RTN1: variants seen among roughly 807,000 people sequenced by gnomAD.
RTN1 encodes reticulon-1.
In RTN1, 25 loss-of-function variants were observed where a neutral mutation model predicts 65.5. That is an observed-to-expected ratio of 0.38 (90% CI 0.28 to 0.53). The LOEUF is 0.53. RTN1 is among the 20% of genes least tolerant of loss of function. RTN1 has a pLI of 0.79. For synonymous variants in RTN1, 471 were observed against 447.6 expected, an observed-to-expected ratio of 1.05 and a Z score of -0.66; for missense variants, 983 against 1,025.4, an observed-to-expected ratio of 0.96 and a Z score of 0.57.
At chr14:59,845,854 G>T (rs1044212511) in intron 1 of RTN1, among the ~76,000 whole-genome samples, 2 of 151,774 alleles carry the variant, frequency 1.3e-5, no homozygotes, top group Admixed American at 6.6e-5. Context: ...TCAAGGCCCA[G>T]AAAAAGAAGC....
At position 59,749,350 on chromosome 14, in the gene RTN1, A is replaced by C. The variant is rs1418865750; in HGVS notation, c.242-2869T>G. Among the ~76,000 whole-genome samples, 192 of 67,412 alleles carry C rather than the reference A, an allele frequency of 2.8e-3. 18 individuals are homozygous for C. The highest frequency in any genetic ancestry group is 0.02 in the African/African-American group (186 of 9,300). 44.2% of individuals were successfully genotyped at this position (67,412 alleles called of 152,430 possible). On this transcript the variant is annotated intron_variant, in intron 1 of 8. Transcript: ENST00000267484. Reference sequence around the variant, plus strand: ...TATCTATATATATCTATATATATCTATATATATCTATATATATATCTATAT... The same window carrying C: ...TATCTATATATATCTATATATATCTCTATATATCTATATATATATCTATAT...
intron 3 of RTN1, among the ~76,000 whole-genome samples, chr14:59,667,637 C>G (rs574479437): frequency 3.3e-5 from 5 of 152,026 alleles, no homozygotes; most frequent in Admixed American, 3.3e-4. Flanking sequence ...AATAAATAAA[C>G]GGTATTCAAT....
intron 1 of RTN1, among the ~76,000 whole-genome samples, chr14:59,759,467 A>G (rs940144695): frequency 1.5e-4 from 23 of 152,314 alleles, no homozygotes; most frequent in African/African-American, 5.3e-4. Context: ...TAAATGAGAT[A>G]GTAGAATCAA....
chr14:59,605,242 G>A lies in RTN1; in HGVS notation c.2112+126C>T. On this transcript the variant is annotated intron_variant, in intron 5 of 8. Coordinates refer to ENST00000267484, the MANE Select transcript of RTN1 (RefSeq NM_021136.3). ...GGTTCATGGTGCCATACAACTGGAGGTCTTCTGACTCTAGAATATAATTAG... is the reference window on the plus strand; with the variant it reads ...GGTTCATGGTGCCATACAACTGGAGATCTTCTGACTCTAGAATATAATTAG... The A allele has an allele frequency of 7.5e-6, 7 of 935,040 alleles. No individual in the cohort carries two copies. In the South Asian group the frequency reaches 1.3e-4, roughly 17 times the overall value. 57.9% of individuals were successfully genotyped at this position (935,040 alleles called of 1,614,324 possible). A position where few individuals can be genotyped will look rare whatever the true frequency, so the allele number is the denominator to read the frequency against.
intron 3 of RTN1, among the ~76,000 whole-genome samples, chr14:59,705,497 T>A (rs940128390): frequency 2.0e-5 from 3 of 152,178 alleles, no homozygotes; most frequent in African/African-American, 7.2e-5. Context: ...GTGCCTCACG[T>A]CCCAGTAAGC....
chr14:59,854,548 T>C (rs573985380), intron 1 of RTN1, among the ~76,000 whole-genome samples: 1 of 141,396 alleles, frequency 7.1e-6, no homozygotes, highest in African/African-American at 2.7e-5. Flanking sequence ...GGCTGAGGCA[T>C]GAGAATCGCT....
At chr14:59,773,348 C>T (rs1031771376) in intron 1 of RTN1, among the ~76,000 whole-genome samples, 1 of 152,020 alleles carries the variant, frequency 6.6e-6, no homozygotes, top group African/African-American at 2.4e-5. Context: ...AAGGAAAAAA[C>T]TGAAGATAGT....
chr14:59,658,216 C>T (rs1050495400), intron 3 of RTN1, among the ~76,000 whole-genome samples: 3 of 152,236 alleles, frequency 2.0e-5, no homozygotes, highest in African/African-American at 7.2e-5. Flanking sequence ...CCTCTCTGGG[C>T]ATGGCATCTC....
chr14:59,863,426 T>C (rs1337386829), intron 1 of RTN1, among the ~76,000 whole-genome samples: 2 of 152,216 alleles, frequency 1.3e-5, no homozygotes, highest in Non-Finnish European at 2.9e-5. Context: ...TCTCAGTCTC[T>C]ATCTTAACCA....
chr14:59,827,708 T>G (rs1248602296), intron 1 of RTN1, among the ~76,000 whole-genome samples: 1 of 152,182 alleles, frequency 6.6e-6, no homozygotes, highest in Non-Finnish European at 1.5e-5. Context: ...CAAGCCAGTT[T>G]CTATCTTGCT....
intron 8 of RTN1, among the ~76,000 whole-genome samples, chr14:59,599,930 C>T (rs916254437): frequency 3.9e-5 from 6 of 152,148 alleles, no homozygotes; most frequent in African/African-American, 7.2e-5. Flanking sequence ...CTTTGTCATT[C>T]TAAAACATAA....
intron 1 of RTN1, among the ~76,000 whole-genome samples, chr14:59,783,400 G>A (rs1300890395): frequency 6.6e-6 from 1 of 152,150 alleles, no homozygotes; most frequent in Non-Finnish European, 1.5e-5. Flanking sequence ...CAAGAGGCTG[G>A]GTGCTTAGGG....
In RTN1 at chr14:59,866,827, T is replaced by C. The variant is rs1229872696; in HGVS notation, c.241+3563A>G. Among the ~76,000 whole-genome samples, 5 of 152,168 alleles carry C rather than the reference T, an allele frequency of 3.3e-5. No homozygotes were observed. The East Asian group carries it at 9.6e-4, about 29-fold the overall frequency. The stretch of plus-strand genomic sequence containing the variant: ...GAAATGACTCCAAATAAAAAATGTC[T>C]ACACATCTGTCAAACACATCCAAAA... On this transcript the variant is annotated intron_variant, in intron 1 of 8. Transcript: ENST00000267484.
At chr14:59,713,329 G>A (rs1028674983) in intron 3 of RTN1, among the ~76,000 whole-genome samples, 11 of 152,248 alleles carry the variant, frequency 7.2e-5, no homozygotes, top group African/African-American at 1.9e-4. Context: ...TTCTAGTTGC[G>A]GATTCCCAGT....
intron 3 of RTN1, among the ~76,000 whole-genome samples, chr14:59,608,709 G>A (rs541895897): frequency 6.6e-6 from 1 of 152,054 alleles, no homozygotes; most frequent in Non-Finnish European, 1.5e-5. Context: ...ACCACTACCT[G>A]GTCCATCAGG....
At chr14:59,668,805 G>A (rs545872393) in intron 3 of RTN1, among the ~76,000 whole-genome samples, 1 of 152,300 alleles carries the variant, frequency 6.6e-6, no homozygotes, top group South Asian at 2.1e-4. Flanking sequence ...GATATGAACA[G>A]ACACTTCTCA....
At chr14:59,643,595 A>G (rs1238803050) in intron 3 of RTN1, among the ~76,000 whole-genome samples, 1 of 152,226 alleles carries the variant, frequency 6.6e-6, no homozygotes, top group African/African-American at 2.4e-5. Flanking sequence ...ACATTTGAGC[A>G]CTACTATCAT....
chr14:59,748,593 C>T (rs1885279389), intron 1 of RTN1, among the ~76,000 whole-genome samples: 1 of 152,102 alleles, frequency 6.6e-6, no homozygotes. Flanking sequence ...TTGCTTATCT[C>T]CTTCTTAAAT....
intron 1 of RTN1, among the ~76,000 whole-genome samples, chr14:59,854,714 A>G (rs1160207615): frequency 1.3e-5 from 2 of 152,020 alleles, no homozygotes; most frequent in African/African-American, 4.8e-5. Flanking sequence ...TGAAATAATT[A>G]AGAGCATGAA....
Sources: gnomAD v4.1 joint callset for allele counts (sites outside exome capture counted in the v4.1 genomes callset) on GRCh38, gnomAD v4.1.1 for gene constraint, MANE v1.5 for transcripts, NCBI Gene and HGNC (gene_info 2026-07-23, HGNC 2026-07-21) for gene names.